Variants in MPP7 observed in about 807,000 individuals in gnomAD.
MPP7 encodes the protein MAGUK p55 subfamily member 7.
MPP7 carries 60 observed loss-of-function variants against 76.5 expected under a neutral mutation model. The ratio of observed to expected loss-of-function variants is 0.78; its 90% CI spans 0.64 to 0.97. The LOEUF (loss-of-function observed/expected upper bound fraction) is 0.97. Ranked by LOEUF, MPP7 falls within the 50% of genes least tolerant of loss-of-function variation. The pLI, the probability that MPP7 is intolerant of heterozygous loss-of-function variation, is 0.00. For missense variants in MPP7, 641 were observed against 694.0 expected, an observed-to-expected ratio of 0.92 and a Z score of 0.86; for synonymous variants, 237 against 244.5, an observed-to-expected ratio of 0.97 and a Z score of 0.29.
chr10:28,126,826 A>T (rs1835032027), intron 6 of MPP7, among the ~76,000 whole-genome samples: 1 of 152,204 alleles, frequency 6.6e-6, no homozygotes, highest in Non-Finnish European at 1.5e-5. Context: ...TGCGAATCTC[A>T]CTGCCATGTA....
At chr10:28,092,661 C>T (rs576752034) in intron 11 of MPP7, among the ~76,000 whole-genome samples, 1 of 146,662 alleles carries the variant, frequency 6.8e-6, no homozygotes, top group South Asian at 2.2e-4. Context: ...AATCCTCTGC[C>T]TCCCAGGCTC....
At chr10:28,319,216 A>G (rs1834344846) in intron 2 of MPP7, among the ~76,000 whole-genome samples, 1 of 152,178 alleles carries the variant, frequency 6.6e-6, no homozygotes, top group Admixed American at 6.5e-5. Flanking sequence ...TTAAACAATC[A>G]GCTCTCATGA....
intron 1 of MPP7, among the ~76,000 whole-genome samples, chr10:28,295,852 T>A (rs1388136747): frequency 6.6e-6 from 1 of 152,264 alleles, no homozygotes; most frequent in East Asian, 1.9e-4. Context: ...TACAGCTCTA[T>A]GTGTATTCAA....
At chr10:28,147,816 C>T (rs958457605) in intron 4 of MPP7, among the ~76,000 whole-genome samples, 1 of 152,120 alleles carries the variant, frequency 6.6e-6, no homozygotes, top group African/African-American at 2.4e-5. Context: ...TGATTTATTG[C>T]AAGGAGGGCA....
At chr10:28,150,745 T>A (rs985904086) in intron 3 of MPP7, among the ~76,000 whole-genome samples, 1 of 152,040 alleles carries the variant, frequency 6.6e-6, no homozygotes, top group African/African-American at 2.4e-5. Flanking sequence ...GTAAAATAAT[T>A]ATAATAATAA....
intron 5 of MPP7, among the ~76,000 whole-genome samples, chr10:28,135,298 G>A (rs1835320140): frequency 6.6e-6 from 1 of 152,188 alleles, no homozygotes; most frequent in South Asian, 2.1e-4. Flanking sequence ...TGGGAGATCT[G>A]TAGGAGGTCT....
intron 3 of MPP7, among the ~76,000 whole-genome samples, chr10:28,187,260 C>A (rs1287375342): frequency 6.6e-6 from 1 of 152,128 alleles, no homozygotes; most frequent in Non-Finnish European, 1.5e-5. Flanking sequence ...CTGAAAAGGG[C>A]AACATATGGC....
chr10:28,077,357 T>A (rs181014411), intron 12 of MPP7, among the ~76,000 whole-genome samples: 51 of 152,290 alleles, frequency 3.3e-4, no homozygotes, highest in Non-Finnish European at 3.5e-4. Flanking sequence ...GGTAGAAGTA[T>A]CCTCCCAAGA....
At chr10:28,306,381 T>G (rs1430888021), upstream of MPP7, among the ~76,000 whole-genome samples, 2 of 152,204 alleles carry the variant, frequency 1.3e-5, no homozygotes, top group African/African-American at 4.8e-5. Context: ...CTGCATACAG[T>G]AGCCCATGCC....
intron 11 of MPP7, among the ~76,000 whole-genome samples, chr10:28,091,092 A>G (rs1588753680): frequency 6.6e-6 from 1 of 152,146 alleles, no homozygotes; most frequent in East Asian, 1.9e-4. Context: ...GGTTGCAGTG[A>G]GCCAAGATCG....
At chr10:28,070,848 T>C (rs960847529) in intron 12 of MPP7, among the ~76,000 whole-genome samples, 1 of 152,214 alleles carries the variant, frequency 6.6e-6, no homozygotes, top group Non-Finnish European at 1.5e-5. Flanking sequence ...GTTTCAAATA[T>C]GAGTCTGAAA....
At chr10:28,327,120 C>T (rs1280357892) in intron 2 of MPP7, among the ~76,000 whole-genome samples, 1 of 151,286 alleles carries the variant, frequency 6.6e-6, no homozygotes, top group East Asian at 2.0e-4. Context: ...CAAAGGGAAA[C>T]CAGATGGCTC....
chr10:28,199,575 A>T (rs913937705), intron 3 of MPP7, among the ~76,000 whole-genome samples: 1 of 151,708 alleles, frequency 6.6e-6, no homozygotes, highest in African/African-American at 2.4e-5. Context: ...AAAGAGGTCT[A>T]TGTATTTAAA....
chr10:28,056,276 G>A lies in MPP7; in HGVS notation c.1551+204C>T, dbSNP rs113611102. The stretch of plus-strand genomic sequence containing the variant: ...GGGGTCTTATGATCTTCCCACCTCC[G>A]CCTCCCAAGTAGCTGGGACTACAGG... On this transcript the variant is annotated intron_variant, in intron 16 of 16. Coordinates refer to ENST00000683449, the MANE Select transcript of MPP7 (RefSeq NM_001318170.2). Among the ~76,000 whole-genome samples the A allele has an allele frequency of 0.023, 3,559 of 151,870 alleles. 97 individuals are homozygous for A. Among genetic ancestry groups the A allele is most frequent in the East Asian group, 0.11 (582 of 5,100 alleles).
chr10:28,083,660 C>CCCGAGTAGCTGGGATTACA (rs1852870873), intron 12 of MPP7, among the ~76,000 whole-genome samples: 2 of 151,612 alleles, frequency 1.3e-5, no homozygotes, highest in Non-Finnish European at 2.9e-5. Flanking sequence ...GCCTCAGCCT[C>CCCGAGTAGCTGGGATTACA]CCGAGTAGCT....
chr10:28,200,427 T>A (rs762046206), intron 3 of MPP7, among the ~76,000 whole-genome samples: 2 of 152,232 alleles, frequency 1.3e-5, no homozygotes, highest in African/African-American at 4.8e-5. Context: ...ACTAGCAACA[T>A]GAGTTTATTC....
At chr10:28,313,366 C>T (rs375904662) in intron 2 of MPP7, among the ~76,000 whole-genome samples, 7 of 152,110 alleles carry the variant, frequency 4.6e-5, no homozygotes, top group Middle Eastern at 3.4e-3. Context: ...ATTAGCTGGG[C>T]GTGGTGACAC....
chr10:28,188,836 A>G (rs1283011454), intron 3 of MPP7, among the ~76,000 whole-genome samples: 1 of 152,194 alleles, frequency 6.6e-6, no homozygotes, highest in Admixed American at 6.5e-5. Flanking sequence ...GGAAAAAAAA[A>G]ATGCCAGTCT....
At chr10:28,323,150 G>C (rs1834381602) in intron 2 of MPP7, among the ~76,000 whole-genome samples, 1 of 152,044 alleles carries the variant, frequency 6.6e-6, no homozygotes, top group Non-Finnish European at 1.5e-5. Context: ...GCCGGGCGTG[G>C]TGGAGGCGCC....
Sources: allele counts gnomAD v4.1 joint callset (sites outside exome capture counted in the v4.1 genomes callset), GRCh38; gene constraint gnomAD v4.1.1; transcripts MANE v1.5; gene names NCBI Gene and HGNC (gene_info 2026-07-23, HGNC 2026-07-21).